The following SUSD4 variants were observed in gnomAD, a reference collection of about 807,000 sequenced individuals.
SUSD4 encodes the protein sushi domain containing 4.
Under a neutral mutation model 50.5 loss-of-function variants are expected in SUSD4, and 41 were observed. The ratio of observed to expected loss-of-function variants is 0.81; its 90% CI spans 0.63 to 1.05. SUSD4 has a LOEUF of 1.05. Ranked by LOEUF, SUSD4 falls within the 50% of genes least tolerant of loss-of-function variation. The pLI is 0.00. For missense variants in SUSD4, 580 were observed against 634.7 expected, an observed-to-expected ratio of 0.91 and a Z score of 0.93; for synonymous variants, 257 against 257.3, an observed-to-expected ratio of 1.00 and a Z score of 0.01.
At chr1:223,222,352 C>T (rs750179786) in intron 8 of SUSD4, 132 bp from the exon 9 acceptor site, 3 of 827,538 alleles carry the variant, frequency 3.6e-6, no homozygotes, top group South Asian at 3.8e-5. Flanking sequence ...GTTCCACATA[C>T]CAGTTAATAA....
chr1:223,261,042 G>A (rs1449761457), intron 5 of SUSD4, among the ~76,000 whole-genome samples: 4 of 152,140 alleles, frequency 2.6e-5, no homozygotes, highest in African/African-American at 7.2e-5. Context: ...TCTCCAAGGG[G>A]TCATGTCCTC....
chr1:223,327,529 T>G (rs1666944356), intron 2 of SUSD4, among the ~76,000 whole-genome samples: 1 of 152,214 alleles, frequency 6.6e-6, no homozygotes. Flanking sequence ...TCCTATTACA[T>G]GATTCAAACC....
At chr1:223,311,097 T>C (rs1270180932) in intron 2 of SUSD4, among the ~76,000 whole-genome samples, 2 of 152,152 alleles carry the variant, frequency 1.3e-5, no homozygotes, top group Admixed American at 1.3e-4. Context: ...TGCAAATAAA[T>C]GGTGTTCACA....
chr1:223,360,198 T>C, intron 2 of SUSD4: 1 of 470,810 alleles, frequency 2.1e-6, no homozygotes, highest in South Asian at 1.5e-5. Flanking sequence ...TGCTAAAGAA[T>C]TCACCTTAAA....
intron 4 of SUSD4, among the ~76,000 whole-genome samples, chr1:223,266,349 CAGG>C (rs1438606422): frequency 2.0e-5 from 3 of 152,076 alleles, no homozygotes; most frequent in African/African-American, 7.2e-5. Context: ...GGTTGGGGAT[CAGG>C]AATAAACAGA....
intron 2 of SUSD4, among the ~76,000 whole-genome samples, chr1:223,323,926 A>G (rs760769655): frequency 3.3e-5 from 5 of 151,944 alleles, no homozygotes; most frequent in Non-Finnish European, 7.4e-5. Context: ...ATTATTTTAA[A>G]AAAAAAGAGA....
Position 223,223,610 on chromosome 1 carries a change from G to C in SUSD4, c.1083C>G (p.Ser361Arg). The C allele has an allele frequency of 3.1e-6, 5 of 1,608,808 alleles. No individual in the cohort carries two copies. The African/African-American group carries it at 4.0e-5, about 13-fold the overall frequency. Reference sequence around the variant, plus strand: ...CTACCACCACAAAGTCAGGGTCACTGCTGGAACTCCGGGGAGGCCCCCTGT... The same window carrying C: ...CTACCACCACAAAGTCAGGGTCACTCCTGGAACTCCGGGGAGGCCCCCTGT... ...FPPRGPPRSS[S>R]SDPDFVVVDG... Residue 361 changes from serine to arginine, a missense_variant, in exon 8 of 9, where the codon AGC (serine) becomes AGG (arginine). Ser to Arg is a moderately radical substitution (Grantham distance 110, BLOSUM62 -1). Coordinates refer to ENST00000366878, the MANE Select transcript of SUSD4 (RefSeq NM_017982.4).
At chr1:223,281,822 C>T (rs1571964143) in intron 3 of SUSD4, among the ~76,000 whole-genome samples, 2 of 152,098 alleles carry the variant, frequency 1.3e-5, no homozygotes, top group Non-Finnish European at 1.5e-5. Context: ...TGATAAACAT[C>T]GATGCAAAAA....
upstream of SUSD4, among the ~76,000 whole-genome samples, chr1:223,364,752 C>T (rs1669225464): frequency 1.3e-5 from 2 of 151,930 alleles, no homozygotes; most frequent in South Asian, 2.1e-4. This position sits in a 1 kb window ranked among gnomAD's most constrained non-coding sequence, Gnocchi z 4.5. Flanking sequence ...AGTGCGCGGC[C>T]GGCAGCTCCC....
At chr1:223,354,053 T>C (rs1175469012) in intron 2 of SUSD4, among the ~76,000 whole-genome samples, 2 of 150,680 alleles carry the variant, frequency 1.3e-5, no homozygotes, top group Non-Finnish European at 3.0e-5. Context: ...AAAAAGAAAG[T>C]AGCAAAAAGA....
Position 223,342,113 on chromosome 1 carries a change from G to C in SUSD4, c.148+21165C>G, listed in dbSNP as rs989195656. 5.3e-5 allele frequency among the ~76,000 whole-genome samples: 8 copies of C among 152,072 alleles called. No homozygotes were observed. In the East Asian group the frequency reaches 1.4e-3, roughly 26 times the overall value. On this transcript the variant is annotated intron_variant, in intron 2 of 8. Coordinates refer to ENST00000366878, the MANE Select transcript of SUSD4 (RefSeq NM_017982.4). ...TCTGCCCTGGTGGACCACAGCCACA[G>C]TGAAACCAGGGCTAGGAGGACAGGC... is the stretch of plus-strand genomic sequence containing the variant.
At chr1:223,362,354 AATTT>A in intron 2 of SUSD4, among the ~76,000 whole-genome samples, 1 of 152,212 alleles carries the variant, frequency 6.6e-6, no homozygotes, top group South Asian at 2.1e-4. Context: ...AACCAAAGAT[AATTT>A]ATTTATATAT....
chr1:223,247,569 C>T (rs1661025106), intron 5 of SUSD4, among the ~76,000 whole-genome samples: 1 of 152,232 alleles, frequency 6.6e-6, no homozygotes, highest in Non-Finnish European at 1.5e-5. Context: ...GAAGAAATAA[C>T]AGATGTGAAT....
intron 5 of SUSD4, chr1:223,263,898 T>C (rs1276392331): frequency 1.0e-6 from 1 of 985,428 alleles, no homozygotes; most frequent in Non-Finnish European, 1.2e-6. Context: ...TCTTTCCCCA[T>C]ATAGACCCCT....
In SUSD4 at chr1:223,223,591, C is replaced by T. The variant is rs1659286318; in HGVS notation, c.1102G>A (p.Val368Met). ...AGCATGACGGGCACGCCGTCTACCA[C>T]CACAAAGTCAGGGTCACTGCTGGAA... ...RSSSSDPDFV[V>M]VDGVPVMLPS... The change falls in exon 8 of 9, where the codon GTG becomes ATG. Residue 368 changes from valine (V) to methionine (M), a missense_variant. Physicochemically the swap from Val to Met is conservative, Grantham distance 21 (BLOSUM62 1). Coordinates refer to ENST00000366878, the MANE Select transcript of SUSD4 (RefSeq NM_017982.4). 6.2e-7 allele frequency: 1 copy of T among 1,612,526 alleles called. No homozygotes were observed. The highest frequency in any genetic ancestry group is 8.5e-7 in the Non-Finnish European group (1 of 1,179,288).
intron 5 of SUSD4, chr1:223,234,942 A>G: frequency 6.4e-7 from 1 of 1,570,038 alleles, no homozygotes; most frequent in Non-Finnish European, 8.6e-7. Flanking sequence ...TTATTGCAGG[A>G]GAACAACATT....
chr1:223,296,170 A>C (rs1464754401), intron 2 of SUSD4, among the ~76,000 whole-genome samples: 1 of 152,170 alleles, frequency 6.6e-6, no homozygotes, highest in Non-Finnish European at 1.5e-5. Context: ...GGTGAGTCAG[A>C]AACAAGGCAA....
At chr1:223,251,065 C>T (rs1032107798) in intron 5 of SUSD4, among the ~76,000 whole-genome samples, 1 of 152,160 alleles carries the variant, frequency 6.6e-6, no homozygotes, top group Admixed American at 6.5e-5. Context: ...AGGGTAACTG[C>T]AGATGTAATT....
intron 3 of SUSD4, among the ~76,000 whole-genome samples, chr1:223,273,303 C>T (rs1198339070): frequency 6.6e-6 from 1 of 152,092 alleles, no homozygotes; most frequent in African/African-American, 2.4e-5. Context: ...TAGGGAGTTA[C>T]TGGGGTTTGT....
Sources: allele counts gnomAD v4.1 joint callset (sites outside exome capture counted in the v4.1 genomes callset), GRCh38; gene constraint gnomAD v4.1.1; non-coding constraint Gnocchi (gnomAD v3.1); transcripts MANE v1.5; gene names NCBI Gene and HGNC (gene_info 2026-07-23, HGNC 2026-07-21).